CSMD1: variants seen among roughly 807,000 people sequenced by gnomAD.
The protein encoded by CSMD1 is CUB and sushi domain-containing protein 1.
Under a neutral mutation model 417.5 loss-of-function variants are expected in CSMD1, and 213 were observed. The ratio of observed to expected loss-of-function variants is 0.51; its 90% confidence interval spans 0.46 to 0.57. The LOEUF is 0.57. Among genes scored for constraint, CSMD1 ranks in the 20% least tolerant of loss-of-function variants. CSMD1 has a pLI of 0.00. For missense variants in CSMD1, 6,923 were observed against 4,529.7 expected, an observed-to-expected ratio of 1.53 and a Z score of -15.17; for synonymous variants, 2,862 against 1,736.8, an observed-to-expected ratio of 1.65 and a Z score of -16.11.
intron 2 of CSMD1, among the ~76,000 whole-genome samples, chr8:4,539,747 T>C (rs1689331230): frequency 6.6e-6 from 1 of 152,242 alleles, no homozygotes; most frequent in South Asian, 2.1e-4. Flanking sequence ...CAAAATGTTT[T>C]ATCTTTAGTC....
intron 25 of CSMD1, among the ~76,000 whole-genome samples, chr8:3,305,125 C>T (rs1460937343): frequency 1.3e-5 from 2 of 152,142 alleles, no homozygotes; most frequent in Admixed American, 6.5e-5. Flanking sequence ...AAGACATCCT[C>T]TTGCTTCATC....
chr8:4,041,847 A>T (rs1293263896), intron 3 of CSMD1, among the ~76,000 whole-genome samples: 1 of 152,198 alleles, frequency 6.6e-6, no homozygotes, highest in Non-Finnish European at 1.5e-5. Flanking sequence ...GAACATCTAG[A>T]GTTAAAACCA....
At chr8:3,171,149 G>A (rs1324359921) in intron 37 of CSMD1, among the ~76,000 whole-genome samples, 3 of 152,150 alleles carry the variant, frequency 2.0e-5, no homozygotes, top group African/African-American at 7.2e-5. Flanking sequence ...AAATAAACAA[G>A]TGCCCCAATC....
chr8:4,199,151 C>T (rs1799506506), intron 3 of CSMD1, among the ~76,000 whole-genome samples: 1 of 152,086 alleles, frequency 6.6e-6, no homozygotes, highest in Non-Finnish European at 1.5e-5. Flanking sequence ...GACTGCAGAA[C>T]GTATCCAGCA....
At chr8:4,580,524 C>A (rs1413260000) in intron 2 of CSMD1, among the ~76,000 whole-genome samples, 2 of 152,154 alleles carry the variant, frequency 1.3e-5, no homozygotes, top group Non-Finnish European at 2.9e-5. Flanking sequence ...CTCGGGCCGT[C>A]GGGTTCCCAG....
At position 4,637,344 on chromosome 8, in the gene CSMD1, C is replaced by G; in HGVS notation, c.300G>C (p.Val100=). Reference sequence around the variant, plus strand: ...AATATAAAAAGTTGATACCTTACCTCACTTTTAAATTCCCTTGTTGAGGCT... The same window carrying G: ...AATATAAAAAGTTGATACCTTACCTGACTTTTAAATTCCCTTGTTGAGGCT... ...DGQPQQGNLK[V]RLSGFQLPSS... is the part of the protein sequence containing the mutation. Residue 100 remains valine (V), a splice_region_variant and synonymous_variant, in exon 2 of 70, where the codon GTG becomes GTC. Transcript: ENST00000635120. 2 of 1,609,226 alleles carry G rather than the reference C, an allele frequency of 1.2e-6. No homozygotes were observed. The highest frequency in any genetic ancestry group is 1.7e-6 in the Non-Finnish European group (2 of 1,175,610).
chr8:4,933,952 C>T (rs1412263031), intron 1 of CSMD1, among the ~76,000 whole-genome samples: 1 of 152,060 alleles, frequency 6.6e-6, no homozygotes, highest in Admixed American at 6.5e-5. Flanking sequence ...ATGTATTCAT[C>T]TTTGCCCACA....
At chr8:3,927,787 C>T (rs1245638562) in intron 5 of CSMD1, among the ~76,000 whole-genome samples, 1 of 152,114 alleles carries the variant, frequency 6.6e-6, no homozygotes, top group Non-Finnish European at 1.5e-5. Flanking sequence ...AATACCAAAT[C>T]TACCAAATAT....
At chr8:3,597,133 T>G (rs1375697851) in intron 8 of CSMD1, among the ~76,000 whole-genome samples, 1 of 152,116 alleles carries the variant, frequency 6.6e-6, no homozygotes, top group Non-Finnish European at 1.5e-5. Flanking sequence ...TCAGCAGACA[T>G]ATGGGATGCC....
intron 25 of CSMD1, among the ~76,000 whole-genome samples, chr8:3,291,360 C>T (rs1162677354): frequency 2.9e-4 from 8 of 27,362 alleles, no homozygotes; most frequent in Non-Finnish European, 6.1e-4. Flanking sequence ...AGGGAGGATT[C>T]CCATCTTTTT....
intron 11 of CSMD1, among the ~76,000 whole-genome samples, chr8:3,477,760 T>A (rs1289436866): frequency 1.3e-5 from 2 of 152,098 alleles, no homozygotes; most frequent in African/African-American, 2.4e-5. Flanking sequence ...TCAGATACAG[T>A]ATTGAGGAGG....
rs186088375 is a variant in CSMD1, at chr8:4,034,175, C to T, written c.416-2076G>A. The stretch of plus-strand genomic sequence containing the variant: ...TAACATAGAGAACATTTTTAGAATA[C>T]GGAATAGGAATCATCTATTTCTAAA... On this transcript the variant is annotated intron_variant, in intron 3 of 69. Coordinates refer to ENST00000635120, the MANE Select transcript of CSMD1 (RefSeq NM_033225.6). Among the ~76,000 whole-genome samples, 157 of 152,030 alleles carry T rather than the reference C, an allele frequency of 1.0e-3. 2 individuals are homozygous for T. Among genetic ancestry groups the T allele is most frequent in the Middle Eastern group, 3.4e-3 (1 of 290 alleles).
At chr8:3,685,649 C>G (rs1325044143) in intron 7 of CSMD1, among the ~76,000 whole-genome samples, 1 of 152,044 alleles carries the variant, frequency 6.6e-6, no homozygotes, top group Non-Finnish European at 1.5e-5. Context: ...TTTTTAGAGG[C>G]CTGGGGGTGC....
At chr8:3,133,999 G>A (rs1220874371) in intron 41 of CSMD1, among the ~76,000 whole-genome samples, 2 of 152,112 alleles carry the variant, frequency 1.3e-5, no homozygotes, top group Admixed American at 1.3e-4. Context: ...CCAATGTGGT[G>A]AAACCCTGTC....
intron 11 of CSMD1, among the ~76,000 whole-genome samples, chr8:3,483,923 T>C (rs1817882779): frequency 1.3e-5 from 2 of 152,198 alleles, no homozygotes; most frequent in Admixed American, 6.5e-5. Context: ...AAGAAACATT[T>C]GACGATTCAC....
intron 37 of CSMD1, among the ~76,000 whole-genome samples, chr8:3,167,700 G>T (rs1404641180): frequency 6.6e-6 from 1 of 152,198 alleles, no homozygotes; most frequent in African/African-American, 2.4e-5. Context: ...CTAAAACACA[G>T]CCATTAAGAA....
At chr8:4,403,701 C>T (rs924642295) in intron 3 of CSMD1, among the ~76,000 whole-genome samples, 1 of 152,082 alleles carries the variant, frequency 6.6e-6, no homozygotes, top group Non-Finnish European at 1.5e-5. Context: ...ACTCTTTTGA[C>T]CTCTTCATGT....
chr8:3,491,975 A>T lies in CSMD1; in HGVS notation c.1448+1648T>A, dbSNP rs186328078. Among the ~76,000 whole-genome samples, 187 of 152,246 alleles carry T rather than the reference A, an allele frequency of 1.2e-3. No individual in the cohort carries two copies. The South Asian group carries it at 0.015, about 12-fold the overall frequency. ...AGCCCAGAGGTCCCGGCCTCCACCC[A>T]ATTTATTGGTTTACAAGCTCTTTGT... On this transcript the variant is annotated intron_variant, in intron 11 of 69. Coordinates refer to ENST00000635120, the MANE Select transcript of CSMD1 (RefSeq NM_033225.6).
At chr8:3,875,691 C>G (rs932913899) in intron 5 of CSMD1, among the ~76,000 whole-genome samples, 1 of 151,952 alleles carries the variant, frequency 6.6e-6, no homozygotes, top group South Asian at 2.1e-4. Context: ...TGGCTGAGGT[C>G]TAGGGAGGGG....
Sources: allele counts gnomAD v4.1 joint callset (sites outside exome capture counted in the v4.1 genomes callset), GRCh38; gene constraint gnomAD v4.1.1; transcripts MANE v1.5; gene names NCBI Gene and HGNC (gene_info 2026-07-23, HGNC 2026-07-21).